The following EXO1 variants were observed in gnomAD, a reference collection of about 807,000 sequenced individuals.
EXO1 encodes the protein exonuclease 1.
A neutral mutation model predicts 84.5 loss-of-function variants in EXO1; 69 were observed. The ratio of observed to expected loss-of-function variants is 0.82; its 90% confidence interval spans 0.67 to 1.00. The LOEUF (loss-of-function observed/expected upper bound fraction) is 1.00, where lower values mean the gene tolerates loss of function less well. Among genes scored for constraint, EXO1 ranks in the 50% least tolerant of loss-of-function variants. EXO1 has a pLI of 0.00. For missense variants in EXO1, 1,045 were observed against 1,000.7 expected, an observed-to-expected ratio of 1.04 and a Z score of -0.60; for synonymous variants, 373 against 366.1, an observed-to-expected ratio of 1.02 and a Z score of -0.21.
rs149480129 is a variant in EXO1 at position 241,863,003 on chromosome 1, G to A, written c.1041+1501G>A. Among the ~76,000 whole-genome samples the A allele has an allele frequency of 3.7e-3, 569 of 152,302 alleles. 6 individuals carry two copies. Among genetic ancestry groups the A allele is most frequent in the African/African-American group, 0.013 (535 of 41,558 alleles). ...AAATGCCCATTGCCTAAATAGGAAG[G>A]AGAAGGGATTCTATAGAAAGAAATG... On this transcript the variant is annotated intron_variant, in intron 10 of 15. Transcript: ENST00000366548.
intron 6 of EXO1, among the ~76,000 whole-genome samples, chr1:241,855,192 G>A (rs1227355140): frequency 2.6e-5 from 4 of 152,196 alleles, no homozygotes; most frequent in African/African-American, 9.7e-5. Context: ...ACATCCTGCT[G>A]ATTGGTAGAA....
At chr1:241,863,492 A>G (rs964950246) in intron 10 of EXO1, among the ~76,000 whole-genome samples, 8 of 152,160 alleles carry the variant, frequency 5.3e-5, no homozygotes, top group Non-Finnish European at 8.8e-5. Flanking sequence ...TGGATGGGCT[A>G]AGAATATCTT....
chr1:241,865,868 TATTA>T (rs1368286314), intron 10 of EXO1, among the ~76,000 whole-genome samples: 3 of 152,208 alleles, frequency 2.0e-5, no homozygotes, highest in Non-Finnish European at 4.4e-5. Flanking sequence ...TTACCTTCCT[TATTA>T]ATTCTCAAAG....
rs753589406 is a variant in EXO1, at chr1:241,857,472, G to T, written c.533G>T (p.Gly178Val). 2 of 1,613,504 alleles carry T rather than the reference G, an allele frequency of 1.2e-6. No homozygotes were observed. Among genetic ancestry groups the T allele is most frequent in the South Asian group, 1.1e-5 (1 of 91,056 alleles). ...ITEDSDLLAF[G>V]CKKVILKMDQ... ...GAGGACTCGGATCTCCTAGCTTTTGGCTGTAAAAAGGTACTCACCTCTGAC... is the reference window on the plus strand; with the variant it reads ...GAGGACTCGGATCTCCTAGCTTTTGTCTGTAAAAAGGTACTCACCTCTGAC... The change falls in exon 7 of 16, where the codon GGC becomes GTC. Residue 178 changes from glycine (G) to valine (V), a missense_variant. Coordinates refer to ENST00000366548, the MANE Select transcript of EXO1 (RefSeq NM_130398.4).
At chr1:241,856,603 ACT>A (rs1292392327) in intron 6 of EXO1, among the ~76,000 whole-genome samples, 7 of 152,138 alleles carry the variant, frequency 4.6e-5, no homozygotes, top group African/African-American at 1.7e-4. Context: ...TTTTATCAAT[ACT>A]GTGTCAGTAC....
At position 241,872,249 on chromosome 1, in the gene EXO1, T is replaced by G; in HGVS notation, c.1485T>G (p.Gly495=). The change falls in exon 12 of 16, where the codon GGT becomes GGG. Residue 495 remains glycine, a synonymous_variant. Transcript: ENST00000366548. ...TFLQRKNEES[G]AVVVPGTRSR... is the part of the protein sequence containing the mutation. ...TACAAAGGAAAAATGAAGAAAGTGG[T>G]GCAGTTGTGGTTCCAGGGACCAGAA... 1 of 1,614,084 alleles carries G rather than the reference T, an allele frequency of 6.2e-7. No homozygotes were observed.
At chr1:241,879,740 C>T (rs562147659) in intron 13 of EXO1, among the ~76,000 whole-genome samples, 1 of 152,140 alleles carries the variant, frequency 6.6e-6, no homozygotes, top group Non-Finnish European at 1.5e-5. Flanking sequence ...TGCGATGGCT[C>T]ATGCCTGTAA....
At position 241,889,515 on chromosome 1, in the gene EXO1, A is replaced by T. The variant is rs752278136; in HGVS notation, c.2456A>T (p.Asp819Val). The T allele has an allele frequency of 6.2e-7, 1 of 1,613,704 alleles. No homozygotes were observed. Among genetic ancestry groups the T allele is most frequent in the Non-Finnish European group, 8.5e-7 (1 of 1,179,586 alleles). ...AAGAAACCCCTGTCCCCAGTCAGAG[A>T]TAACATCCAACTAACTCCAGAAGCG... Reference protein sequence around the residue: ...PCKKPLSPVRDNIQLTPEAEE... With the variant: ...PCKKPLSPVRVNIQLTPEAEE... The change falls in exon 16 of 16, where the codon GAT becomes GTT. Residue 819 changes from aspartate to valine, a missense_variant. Physicochemically the swap from Asp to Val is radical, Grantham distance 152 (BLOSUM62 -3). Coordinates refer to ENST00000366548, the MANE Select transcript of EXO1 (RefSeq NM_130398.4).
intron 15 of EXO1, among the ~76,000 whole-genome samples, chr1:241,887,102 T>A (rs769644328): frequency 6.6e-6 from 1 of 152,232 alleles, no homozygotes; most frequent in Non-Finnish European, 1.5e-5. Context: ...TCAGTGATAG[T>A]GTAGAATATG....
At chr1:241,852,067 G>A (rs548633011) in intron 4 of EXO1, among the ~76,000 whole-genome samples, 3 of 152,180 alleles carry the variant, frequency 2.0e-5, no homozygotes, top group Non-Finnish European at 4.4e-5. Context: ...ACCAAGGCTT[G>A]GAGGGTCAAG....
intron 12 of EXO1, among the ~76,000 whole-genome samples, chr1:241,876,927 A>G (rs980021011): frequency 1.3e-5 from 2 of 152,212 alleles, no homozygotes; most frequent in Non-Finnish European, 1.5e-5. Context: ...CTATTTGTTT[A>G]TAAAAAATGG....
intron 10 of EXO1, among the ~76,000 whole-genome samples, chr1:241,866,604 C>A (rs1661748384): frequency 7.7e-6 from 1 of 129,906 alleles, no homozygotes; most frequent in Non-Finnish European, 1.6e-5. Flanking sequence ...AACAAAGTTG[C>A]TTGACTCTCA....
chr1:241,878,365 C>CGG (rs1558142354), intron 12 of EXO1, among the ~76,000 whole-genome samples: 3 of 151,902 alleles, frequency 2.0e-5, no homozygotes, highest in Non-Finnish European at 4.4e-5. Flanking sequence ...AGCATGGTGG[C>CGG]GCATGCCTGT....
chr1:241,864,984 G>T (rs1023813651), intron 10 of EXO1, among the ~76,000 whole-genome samples: 1 of 150,714 alleles, frequency 6.6e-6, no homozygotes, highest in African/African-American at 2.4e-5. Context: ...TTCAGTAACT[G>T]GCATCAAGCC....
intron 8 of EXO1, among the ~76,000 whole-genome samples, chr1:241,859,502 A>G (rs1264978778): frequency 6.6e-6 from 1 of 152,196 alleles, no homozygotes; most frequent in Non-Finnish European, 1.5e-5. Flanking sequence ...CTTATATGAA[A>G]CATAAATTGA....
chr1:241,884,230 T>G (rs2148532817), intron 14 of EXO1, among the ~76,000 whole-genome samples: 1 of 152,308 alleles, frequency 6.6e-6, no homozygotes, highest in South Asian at 2.1e-4. Context: ...CTTTGCCTTC[T>G]TTTTTCTCCC....
chr1:241,880,725 G>C (rs1662704994), intron 13 of EXO1, among the ~76,000 whole-genome samples: 1 of 152,174 alleles, frequency 6.6e-6, no homozygotes, highest in Admixed American at 6.5e-5. Flanking sequence ...AGAAAGCTGT[G>C]AAACATTGGG....
chr1:241,885,446 G>A lies in EXO1; in HGVS notation c.2344G>A (p.Glu782Lys), dbSNP rs1558148743. The change falls in exon 15 of 16, where the codon GAG (glutamate) becomes AAG (lysine). Residue 782 changes from glutamate (E) to lysine (K), a missense_variant. Transcript: ENST00000366548. ...SIQKRKHHNA[E>K]NKPGLQIKLN... ...CCAGAAGAGAAAGCATCATAATGCC[G>A]AGAACAAGCCGGGGTTACAGATCAA... 6.2e-7 allele frequency: 1 copy of A among 1,613,816 alleles called. No individual in the cohort carries two copies.
In EXO1 at chr1:241,866,922, A is replaced by T. The variant is rs1204720615; in HGVS notation, c.1134A>T (p.Arg378Ser). 1 of 1,613,986 alleles carries T rather than the reference A, an allele frequency of 6.2e-7. No individual in the cohort carries two copies. The highest frequency in any genetic ancestry group is 1.3e-5 in the African/African-American group (1 of 74,936). The change falls in exon 11 of 16, where the codon AGA becomes AGT. Residue 378 changes from arginine to serine, a missense_variant. Physicochemically the swap from Arg to Ser is moderately radical, Grantham distance 110 (BLOSUM62 -1). Coordinates refer to ENST00000366548, the MANE Select transcript of EXO1 (RefSeq NM_130398.4). The part of the protein sequence containing the change: ...SSIWHRNYSP[R>S]PESGTVSDAP... ...TTTGGCATAGGAATTACTCTCCCAG[A>T]CCAGAGTCGGGTACTGTTTCAGATG... is the stretch of plus-strand genomic sequence containing the variant.
Sources: gnomAD v4.1 joint callset for allele counts (sites outside exome capture counted in the v4.1 genomes callset) on GRCh38, gnomAD v4.1.1 for gene constraint, MANE v1.5 for transcripts, NCBI Gene and HGNC (gene_info 2026-07-23, HGNC 2026-07-21) for gene names.